The following RBSN variants were observed in gnomAD, a reference collection of about 807,000 sequenced individuals.
RBSN encodes rabenosyn, RAB effector.
In RBSN, 34 loss-of-function variants were observed where a neutral mutation model predicts 60.5. The ratio of observed to expected loss-of-function variants is 0.56; its 90% CI spans 0.43 to 0.75. RBSN has a LOEUF of 0.75. Ranked by LOEUF, RBSN falls within the 30% of genes least tolerant of loss-of-function variation. The pLI is 0.00. For synonymous variants in RBSN, 322 were observed against 366.9 expected, an observed-to-expected ratio of 0.88 and a Z score of 1.40; for missense variants, 845 against 986.8, an observed-to-expected ratio of 0.86 and a Z score of 1.92.
chr3:15,081,627 A>G (rs1191374334), intron 9 of RBSN: 1 of 152,392 alleles, frequency 6.6e-6, no homozygotes, highest in Non-Finnish European at 1.5e-5. Flanking sequence ...ACTACTAACA[A>G]TGACTATTCA....
Position 15,074,763 on chromosome 3 carries a change from C to A in RBSN, c.1374G>T (p.Pro458=), listed in dbSNP as rs551879008. The part of the protein sequence containing the change: ...GGQGQSEDSD[P]LLQQIHNITS... ...TGATGTTGTGGATCTGCTGGAGGAG[C>A]GGGTCTGAGTCCTCACTCTGCCCCT... The change falls in exon 14 of 14, where the codon CCG becomes CCT. Residue 458 remains proline (P), a synonymous_variant. Transcript: ENST00000253699. This position sits in a 1 kb window ranked among gnomAD's most constrained non-coding sequence, Gnocchi z 6.4. The A allele has an allele frequency of 1.2e-6, 2 of 1,614,234 alleles. No homozygotes were observed. The highest frequency in any genetic ancestry group is 2.2e-5 in the East Asian group (1 of 44,884).
Position 15,082,435 on chromosome 3 carries a change from T to A in RBSN, c.772A>T (p.Thr258Ser). The A allele has an allele frequency of 1.9e-6, 3 of 1,614,204 alleles. No homozygotes were observed. The highest frequency in any genetic ancestry group is 1.3e-5 in the African/African-American group (1 of 75,044). ...RIRCCTHCKD[T>S]LLKREQQIDE... The stretch of plus-strand genomic sequence containing the variant: ...ATCTGCTGCTCTCTCTTGAGCAGCG[T>A]GTCCTTGCAGTGTGTACAGCAGCGG... The change falls in exon 9 of 14, where the codon ACG (threonine) becomes TCG (serine). Residue 258 changes from threonine (T) to serine (S), a missense_variant. By Grantham distance (58) the Thr-to-Ser change is moderately conservative. Transcript: ENST00000253699. This position sits in a 1 kb window ranked among gnomAD's most constrained non-coding sequence, Gnocchi z 4.2.
At chr3:15,083,492 C>T (rs572695592) in intron 8 of RBSN, among the ~76,000 whole-genome samples, 8 of 152,252 alleles carry the variant, frequency 5.3e-5, no homozygotes, top group Admixed American at 3.3e-4. Flanking sequence ...CCTGGAGGAT[C>T]GGGTTCCACC....
intron 13 of RBSN, 33 bp downstream of exon 13, chr3:15,075,573 G>A: frequency 6.3e-7 from 1 of 1,580,762 alleles, no homozygotes; most frequent in Non-Finnish European, 8.7e-7. Context: ...AGCCACAGGA[G>A]GAAGCAGGCC....
At chr3:15,092,411 T>C (rs2043540527) in intron 4 of RBSN, among the ~76,000 whole-genome samples, 1 of 151,470 alleles carries the variant, frequency 6.6e-6, no homozygotes, top group African/African-American at 2.4e-5. Flanking sequence ...GTTTGTTTGT[T>C]TGTTTTTTTT....
In RBSN at chr3:15,082,510, T is replaced by G. The variant is rs1301654763; in HGVS notation, c.697A>C (p.Ser233Arg). The change falls in exon 9 of 14, where the codon AGC (serine) becomes CGC (arginine). Residue 233 changes from serine (S) to arginine (R), a missense_variant. Ser to Arg is a moderately radical substitution (Grantham distance 110). Coordinates refer to ENST00000253699, the MANE Select transcript of RBSN (RefSeq NM_022340.4). This position sits in a 1 kb window ranked among gnomAD's most constrained non-coding sequence, Gnocchi z 4.2. The part of the protein sequence containing the change: ...VHGSRRGSIS[S>R]MSSVSSVLDE... ...AGGACCGAGCTGACACTGCTCATGC[T>G]GCTGATGCTGCCTCGGCGGGAGCCA... 6.2e-7 allele frequency: 1 copy of G among 1,614,176 alleles called. No homozygotes were observed.
chr3:15,091,796 AAACTATGCCTCTGCAG>A (rs1429794763), intron 4 of RBSN, among the ~76,000 whole-genome samples: 1 of 152,218 alleles, frequency 6.6e-6, no homozygotes, highest in Non-Finnish European at 1.5e-5. Flanking sequence ...CCTGATTCAC[AAACTATGCCTCTGCAG>A]AACATGGGTT....
Position 15,074,383 on chromosome 3 carries a change from G to T in RBSN, c.1754C>A (p.Ala585Asp), listed in dbSNP as rs756991469. The stretch of plus-strand genomic sequence containing the variant: ...TGAGCTAAGTGAAGGGGTCTTGGGA[G>T]CTGTGCTGCTTGGAACTGGGGAAGA... ...LGSSPVPSST[A>D]PKTPSLSSTQ... is the part of the protein sequence containing the mutation. Residue 585 changes from alanine to aspartate, a missense_variant, in exon 14 of 14, where the codon GCT becomes GAT. Physicochemically the swap from Ala to Asp is moderately radical, Grantham distance 126. Transcript: ENST00000253699. The surrounding 1 kb of genome is among the most constrained non-coding windows in gnomAD (Gnocchi z 6.4). 6.2e-7 allele frequency: 1 copy of T among 1,614,176 alleles called. No individual in the cohort carries two copies. Among genetic ancestry groups the T allele is most frequent in the South Asian group, 1.1e-5 (1 of 91,080 alleles).
At chr3:15,076,082 T>C (rs2043047197) in intron 12 of RBSN, among the ~76,000 whole-genome samples, 2 of 152,056 alleles carry the variant, frequency 1.3e-5, no homozygotes. Flanking sequence ...CTAGATATTT[T>C]AGTTGTTTAT....
rs751694570 is a variant in RBSN at position 15,082,358 on chromosome 3, G to A, written c.840+9C>T. The A allele has an allele frequency of 8.1e-6, 13 of 1,608,016 alleles. No homozygotes were observed. The highest frequency in any genetic ancestry group is 1.3e-5 in the African/African-American group (1 of 74,800). ...GAAATTAGACCCAAGACCAGACAGC[G>A]CGAATCACCTCGTAGAGCTTCACGA... is the stretch of plus-strand genomic sequence containing the variant. On this transcript the variant is annotated intron_variant, in intron 9 of 13. Coordinates refer to ENST00000253699, the MANE Select transcript of RBSN (RefSeq NM_022340.4). The surrounding 1 kb of genome is among the most constrained non-coding windows in gnomAD (Gnocchi z 4.2).
At chr3:15,080,696 AC>A (rs745699998) in intron 10 of RBSN, 35 bp downstream of exon 10, 1 of 1,592,480 alleles carries the variant, frequency 6.3e-7, no homozygotes, top group Non-Finnish European at 8.6e-7. Flanking sequence ...GAAAACAGTC[AC>A]CACTGGATTA....
rs1000326192 is a variant in RBSN, at chr3:15,077,618, G to T, written c.999-454C>A. Among the ~76,000 whole-genome samples, 1 of 152,152 alleles carries T rather than the reference G, an allele frequency of 6.6e-6. No homozygotes were observed. Among genetic ancestry groups the T allele is most frequent in the African/African-American group, 2.4e-5 (1 of 41,414 alleles). ...ATCTTATTCTCCCTCTGAGTCACTG[G>T]CTAATTTAACCCCAATGGCCAGTCC... On this transcript the variant is annotated intron_variant, in intron 11 of 13. Transcript: ENST00000253699. This position sits in a 1 kb window ranked among gnomAD's most constrained non-coding sequence, Gnocchi z 4.4.
chr3:15,084,733 A>G lies in RBSN; in HGVS notation c.598+2T>C. On this transcript the variant is annotated splice_donor_variant, in intron 8 of 13. Coordinates refer to ENST00000253699, the MANE Select transcript of RBSN (RefSeq NM_022340.4). LOFTEE classifies it high-confidence loss of function. The surrounding 1 kb of genome is among the most constrained non-coding windows in gnomAD (Gnocchi z 4.2). ...CCAGGGCCCCACCTCCAAGTCACCT[A>G]CTTGCCAAGGGAAGGCTGATGAGCT... The G allele has an allele frequency of 6.3e-7, 1 of 1,584,560 alleles. No individual in the cohort carries two copies. Among genetic ancestry groups the G allele is most frequent in the Non-Finnish European group, 8.6e-7 (1 of 1,166,026 alleles).
At chr3:15,075,306 G>A (rs965643368) in intron 13 of RBSN, 1 of 623,028 alleles carries the variant, frequency 1.6e-6, no homozygotes, top group East Asian at 3.4e-5. Context: ...GTTCTACAAG[G>A]AACTTCCTAA....
chr3:15,074,912 G>A lies in RBSN; in HGVS notation c.1225C>T (p.Arg409Ter). The change falls in exon 14 of 14, where the codon CGA becomes TGA. Residue 409 changes from arginine to a stop codon, truncating the protein, a stop_gained. Transcript: ENST00000253699. LOFTEE classifies it low-confidence loss of function (END_TRUNC). The surrounding 1 kb of genome is among the most constrained non-coding windows in gnomAD (Gnocchi z 6.4). The part of the protein sequence containing the change: ...VERQAALESQ[R>*]RLEERQSGLA... ...CCACTCTGCCTTTCCTCAAGCCTTC[G>A]CTGGGACTCCAGGGCAGCCTGGGGA... is the stretch of plus-strand genomic sequence containing the variant. 3 of 1,611,018 alleles carry A rather than the reference G, an allele frequency of 1.9e-6. No homozygotes were observed. The highest frequency in any genetic ancestry group is 2.5e-6 in the Non-Finnish European group (3 of 1,178,880).
Position 15,085,845 on chromosome 3 carries a change from A to C in RBSN, c.390+16T>G. Reference sequence around the variant, plus strand: ...TGTATTTGTAGAAAAAAATGTTTTAAGACAACAAAATTTACCTTCTCTAAC... The same window carrying C: ...TGTATTTGTAGAAAAAAATGTTTTACGACAACAAAATTTACCTTCTCTAAC... On this transcript the variant is annotated intron_variant, in intron 6 of 13. Coordinates refer to ENST00000253699, the MANE Select transcript of RBSN (RefSeq NM_022340.4). 6.2e-7 allele frequency: 1 copy of C among 1,601,994 alleles called. No homozygotes were observed. Among genetic ancestry groups the C allele is most frequent in the Non-Finnish European group, 8.5e-7 (1 of 1,170,606 alleles).
At position 15,075,365 on chromosome 3, in the gene RBSN, G is replaced by C. The variant is rs1038538197; in HGVS notation, c.1206+241C>G. On this transcript the variant is annotated intron_variant, in intron 13 of 13. Coordinates refer to ENST00000253699, the MANE Select transcript of RBSN (RefSeq NM_022340.4). Reference sequence around the variant, plus strand: ...GCCATAGGGAGAACTGTCAATCTCTGTGGTATTCTAGCCATGAGAGAATCA... The same window carrying C: ...GCCATAGGGAGAACTGTCAATCTCTCTGGTATTCTAGCCATGAGAGAATCA... 12 of 657,898 alleles carry C rather than the reference G, an allele frequency of 1.8e-5. No homozygotes were observed. In the African/African-American group the frequency reaches 2.1e-4, roughly 12 times the overall value. 40.8% of individuals were successfully genotyped at this position (657,898 alleles called of 1,614,324 possible).
At position 15,078,157 on chromosome 3, in the gene RBSN, C is replaced by G. The variant is rs1407917263; in HGVS notation, c.916G>C (p.Gly306Arg). 1.2e-6 allele frequency: 2 copies of G among 1,613,980 alleles called. No homozygotes were observed. Among genetic ancestry groups the G allele is most frequent in the Non-Finnish European group, 1.7e-6 (2 of 1,179,972 alleles). The change falls in exon 11 of 14, where the codon GGG (glycine) becomes CGG (arginine). Residue 306 changes from glycine to arginine, a missense_variant. Physicochemically the swap from Gly to Arg is moderately radical, Grantham distance 125 (BLOSUM62 -2). Transcript: ENST00000253699. ...TGTTCCAGACTGTAGGTTGTCTCCC[C>G]AGCACTAAGGAGAAACCAGAGACAC... ...YIRMAASLNAGETTYSLEHAS... is the reference protein window; with the variant it reads ...YIRMAASLNARETTYSLEHAS...
chr3:15,078,759 C>CAA lies in RBSN; in HGVS notation c.912-600_912-599dup, dbSNP rs755729739. Among the ~76,000 whole-genome samples the CAA allele has an allele frequency of 4.5e-3, 131 of 28,852 alleles. 3 individuals carry two copies. Among genetic ancestry groups the CAA allele is most frequent in the African/African-American group, 0.017 (125 of 7,316 alleles). The allele number at this position is 28,852 out of a possible 152,430, so 18.9% of individuals were successfully genotyped here. On this transcript the variant is annotated intron_variant, in intron 10 of 13. Coordinates refer to ENST00000253699, the MANE Select transcript of RBSN (RefSeq NM_022340.4). ...TAGGCGACAGAGCAAAACTCGGTCT[C>CAA]AAAAAAAAAAAAAAAAATACATATA...
Sources: allele counts gnomAD v4.1 joint callset (sites outside exome capture counted in the v4.1 genomes callset), GRCh38; gene constraint gnomAD v4.1.1; non-coding constraint Gnocchi (gnomAD v3.1); transcripts MANE v1.5; gene names NCBI Gene and HGNC (gene_info 2026-07-23, HGNC 2026-07-21).